Variants in ATL1 observed in about 807,000 individuals in gnomAD.
ATL1 encodes atlastin-1.
A neutral mutation model predicts 75.5 loss-of-function variants in ATL1; 31 were observed. That is an observed-to-expected ratio of 0.41 (90% CI 0.31 to 0.55). The LOEUF (loss-of-function observed/expected upper bound fraction) is 0.55, where lower values mean the gene tolerates loss of function less well. ATL1 is among the 20% of genes least tolerant of loss of function. The pLI is 0.27. For missense variants in ATL1, 405 were observed against 662.6 expected (o/e 0.61, Z 4.27); for synonymous variants, 226 against 233.3 (o/e 0.97, Z 0.28).
chr14:50,575,552 T>C (rs1441184896), intron 1 of ATL1, among the ~76,000 whole-genome samples: 2 of 152,184 alleles, frequency 1.3e-5, no homozygotes, highest in African/African-American at 4.8e-5. Context: ...CATTCTCAGT[T>C]TTTCATTCAC....
rs2039011118 is a variant in ATL1 at position 50,576,919 on chromosome 14, T to C, written c.35-10912T>C. ...GATAATATTTATTGTGTATATAATA[T>C]ATAGTTACAAATAATGAGTCGAGTA... is the stretch of plus-strand genomic sequence containing the variant. On this transcript the variant is annotated intron_variant, in intron 1 of 13. Coordinates refer to ENST00000358385, the MANE Select transcript of ATL1 (RefSeq NM_015915.5). 2.0e-5 allele frequency among the ~76,000 whole-genome samples: 3 copies of C among 151,596 alleles called. No homozygotes were observed. The South Asian group carries it at 6.2e-4, about 32-fold the overall frequency.
At chr14:50,581,249 A>G (rs181187858) in intron 1 of ATL1, among the ~76,000 whole-genome samples, 101 of 150,994 alleles carry the variant, frequency 6.7e-4, no homozygotes, top group Admixed American at 5.0e-3. Context: ...AAGCATCTTT[A>G]CTACTTTATG....
rs1396189219 is a variant in ATL1 at position 50,591,538 on chromosome 14, G to T, written c.421G>T (p.Ala141Ser). The T allele has an allele frequency of 1.2e-6, 2 of 1,607,684 alleles. No individual in the cohort carries two copies. Among genetic ancestry groups the T allele is most frequent in the Admixed American group, 3.3e-5 (2 of 59,976 alleles). The stretch of plus-strand genomic sequence containing the variant: ...AATGTACTCTTCTTGCCTGTAGGTT[G>T]CAGTGTTATTGATGGATACTCAGGG... Reference protein sequence around the residue: ...LINKPDGKKVAVLLMDTQGTF... With the variant: ...LINKPDGKKVSVLLMDTQGTF... The change falls in exon 4 of 14, where the codon GCA becomes TCA. Residue 141 changes from alanine to serine, a missense_variant. Physicochemically the swap from Ala to Ser is moderately conservative, Grantham distance 99. Around this residue, in one of 5 missense-constraint regions of ATL1, gnomAD observed 126 missense variants for 172.0 expected, o/e 0.73. Coordinates refer to ENST00000358385, the MANE Select transcript of ATL1 (RefSeq NM_015915.5).
chr14:50,536,033 C>T lies in ATL1; in HGVS notation c.-140+2666C>T, dbSNP rs149858621. On this transcript the variant is annotated intron_variant, in intron 1 of 13. Transcript: ENST00000441560. ...GACATGACTTGCTCTTCCTTGCCCT[C>T]TGCCATGATTGTGAGGCTTCGCAGC... Among the ~76,000 whole-genome samples the T allele has an allele frequency of 1.5e-3, 221 of 152,378 alleles. 1 individual carries two copies. Among genetic ancestry groups the T allele is most frequent in the Non-Finnish European group, 2.7e-3 (186 of 68,044 alleles).
At position 50,588,091 on chromosome 14, in the gene ATL1, T is replaced by G; in HGVS notation, c.282+13T>G. On this transcript the variant is annotated intron_variant, in intron 2 of 13. Transcript: ENST00000358385. Reference sequence around the variant, plus strand: ...CATGTACAACCAGGTATGCAGGAAGTACTTTAAAAAGTTTTCTTTCTTCTG... The same window carrying G: ...CATGTACAACCAGGTATGCAGGAAGGACTTTAAAAAGTTTTCTTTCTTCTG... The G allele has an allele frequency of 6.2e-7, 1 of 1,614,100 alleles. No individual in the cohort carries two copies. The highest frequency in any genetic ancestry group is 8.5e-7 in the Non-Finnish European group (1 of 1,180,000).
At chr14:50,574,210 A>G (rs1595589340) in intron 1 of ATL1, among the ~76,000 whole-genome samples, 2 of 152,188 alleles carry the variant, frequency 1.3e-5, no homozygotes, top group Non-Finnish European at 2.9e-5. Context: ...ACTGTCCACA[A>G]ATTGGTGTAG....
chr14:50,573,918 T>C (rs2038977651), intron 1 of ATL1, among the ~76,000 whole-genome samples: 1 of 152,210 alleles, frequency 6.6e-6, no homozygotes, highest in South Asian at 2.1e-4. Context: ...ATGACACTTT[T>C]TGCCCTGAAG....
chr14:50,625,418 T>G (rs2039508514), intron 11 of ATL1, among the ~76,000 whole-genome samples: 1 of 152,206 alleles, frequency 6.6e-6, no homozygotes, highest in African/African-American at 2.4e-5. Flanking sequence ...CTGAGATCAT[T>G]GATGAAGGTG....
intron 4 of ATL1, 68 bp downstream of exon 4, chr14:50,591,707 A>G (rs1354947299): frequency 2.7e-6 from 3 of 1,102,906 alleles, no homozygotes; most frequent in Non-Finnish European, 2.8e-6. Flanking sequence ...GTTTCTACAT[A>G]CATGTTATAA....
chr14:50,535,957 G>T (rs1030270636), intron 1 of ATL1, among the ~76,000 whole-genome samples: 1 of 152,204 alleles, frequency 6.6e-6, no homozygotes, highest in East Asian at 1.9e-4. Context: ...GTTTTAAAAA[G>T]AGGAGTTCCC....
At chr14:50,571,752 C>A (rs1052887763) in intron 1 of ATL1, among the ~76,000 whole-genome samples, 1 of 152,128 alleles carries the variant, frequency 6.6e-6, no homozygotes, top group Non-Finnish European at 1.5e-5. Flanking sequence ...TATTTGCAAG[C>A]ATGTTTACAA....
intron 11 of ATL1, among the ~76,000 whole-genome samples, chr14:50,623,920 T>C (rs1446088610): frequency 6.6e-6 from 1 of 152,030 alleles, no homozygotes; most frequent in Non-Finnish European, 1.5e-5. Context: ...CCAGGCCTGA[T>C]GGCACGCACC....
intron 5 of ATL1, among the ~76,000 whole-genome samples, chr14:50,594,695 C>T (rs2039195734): frequency 6.6e-6 from 1 of 152,180 alleles, no homozygotes; most frequent in Non-Finnish European, 1.5e-5. Flanking sequence ...CTTTCGAATT[C>T]ATTTCAAGAT....
At chr14:50,571,300 C>T (rs943764774) in intron 1 of ATL1, among the ~76,000 whole-genome samples, 1 of 152,196 alleles carries the variant, frequency 6.6e-6, no homozygotes, top group East Asian at 1.9e-4. Flanking sequence ...TCCAGGAACA[C>T]ATGCATGGCT....
At chr14:50,541,158 A>T (rs998071367) in intron 1 of ATL1, among the ~76,000 whole-genome samples, 1 of 152,248 alleles carries the variant, frequency 6.6e-6, no homozygotes, top group Non-Finnish European at 1.5e-5. Flanking sequence ...TTGCTTTCAC[A>T]TGATTGCAAC....
intron 1 of ATL1, among the ~76,000 whole-genome samples, chr14:50,583,879 G>A (rs111845341): frequency 0.035 from 5,309 of 152,244 alleles, 95 homozygotes; most frequent in Middle Eastern, 0.058. Flanking sequence ...ATGAGTCAGT[G>A]TGTATGTGGG....
chr14:50,587,761 T>TAA, intron 1 of ATL1, 70 bp from the exon 2 acceptor site: 2 of 1,600,664 alleles, frequency 1.2e-6, no homozygotes, highest in Non-Finnish European at 1.7e-6. Flanking sequence ...GTTTGAGAGT[T>TAA]AAGAGGTACA....
chr14:50,588,116 G>T (rs758015932), intron 2 of ATL1, 38 bp downstream of exon 2: 1 of 1,612,688 alleles, frequency 6.2e-7, no homozygotes, highest in Middle Eastern at 1.7e-4. Context: ...TCTTTCTTCT[G>T]TGCTTCTGTC....
chr14:50,595,309 A>C (rs1428489097), intron 5 of ATL1, among the ~76,000 whole-genome samples: 1 of 152,284 alleles, frequency 6.6e-6, no homozygotes, highest in Non-Finnish European at 1.5e-5. Flanking sequence ...TGAAAGTGTT[A>C]ATTTTAAAAA....
Sources: gnomAD v4.1 joint callset for allele counts (sites outside exome capture counted in the v4.1 genomes callset) on GRCh38, gnomAD v4.1.1 for gene constraint, gnomAD v4.1.1 regional missense constraint, MANE v1.5 for transcripts, NCBI Gene and HGNC (gene_info 2026-07-23, HGNC 2026-07-21) for gene names.